CEP112: variants seen among roughly 807,000 people sequenced by gnomAD.
CEP112 encodes centrosomal protein 112.
CEP112 carries 127 observed loss-of-function variants against 153.0 expected under a neutral mutation model. The ratio of observed to expected loss-of-function variants is 0.83; its 90% CI spans 0.72 to 0.96. The LOEUF (loss-of-function observed/expected upper bound fraction) is 0.96. CEP112 is among the 40% of genes least tolerant of loss of function. The probability of loss-of-function intolerance (pLI) is 0.00; values close to 1 mark genes in which losing one functional copy is unlikely to be tolerated. For missense variants in CEP112, 1,089 were observed against 1,101.2 expected, an observed-to-expected ratio of 0.99 and a Z score of 0.16; for synonymous variants, 358 against 374.4, an observed-to-expected ratio of 0.96 and a Z score of 0.51.
chr17:65,902,047 C>A, intron 20 of CEP112, 105 bp downstream of exon 20: 3 of 408,466 alleles, frequency 7.3e-6, no homozygotes, highest in Admixed American at 5.7e-5. Flanking sequence ...GTCAGTTTTG[C>A]AAATGATCAA....
intron 24 of CEP112, among the ~76,000 whole-genome samples, chr17:65,681,325 C>T (rs572893268): frequency 2.6e-5 from 4 of 152,200 alleles, no homozygotes; most frequent in Non-Finnish European, 5.9e-5. Context: ...CTTCTCTGGT[C>T]CCTTGGCTGT....
At chr17:66,188,161 AG>A (rs2073007496) in intron 1 of CEP112, among the ~76,000 whole-genome samples, 1 of 152,080 alleles carries the variant, frequency 6.6e-6, no homozygotes, top group Non-Finnish European at 1.5e-5. Context: ...CTAATGACAA[AG>A]CTAAGCCTAT....
chr17:65,689,431 T>C (rs1329621854), intron 23 of CEP112, among the ~76,000 whole-genome samples: 1 of 135,068 alleles, frequency 7.4e-6, no homozygotes, highest in Non-Finnish European at 1.7e-5. Context: ...AGTTATAAAA[T>C]AGACAAATTG....
intron 20 of CEP112, among the ~76,000 whole-genome samples, chr17:65,878,847 A>T (rs2058947191): frequency 6.6e-6 from 1 of 151,902 alleles, no homozygotes; most frequent in Non-Finnish European, 1.5e-5. Context: ...AAAAAAAAAA[A>T]TGGAATGAAC....
intron 24 of CEP112, chr17:65,655,144 A>G: frequency 1.3e-6 from 1 of 743,472 alleles, no homozygotes; most frequent in Non-Finnish European, 2.5e-6. Context: ...TAATAATGTC[A>G]TTGAATTAAA....
chr17:66,147,119 A>G (rs936333883), intron 4 of CEP112, among the ~76,000 whole-genome samples: 6 of 152,068 alleles, frequency 3.9e-5, no homozygotes, highest in African/African-American at 1.4e-4. Flanking sequence ...ACCATTTTAC[A>G]TTCTTACCAA....
At chr17:65,917,026 G>A (rs1187657001) in intron 19 of CEP112, among the ~76,000 whole-genome samples, 2 of 152,190 alleles carry the variant, frequency 1.3e-5, no homozygotes, top group Non-Finnish European at 2.9e-5. Context: ...GGACACAGGG[G>A]CCCAGGCTCT....
rs187185424 is a variant in CEP112, at chr17:65,868,315, C to T, written c.2164-16281G>A. ...AGGAGTTCAAGACCAGCCTGGCCAA[C>T]AAGGTGAAACCCCATCTCTACCAAA... On this transcript the variant is annotated intron_variant, in intron 20 of 26. Transcript: ENST00000535342. 1.7e-3 allele frequency among the ~76,000 whole-genome samples: 266 copies of T among 152,118 alleles called. 1 individual carries two copies. The highest frequency in any genetic ancestry group is 6.1e-3 in the African/African-American group (252 of 41,544).
At chr17:66,075,792 T>A (rs1236296186) in intron 8 of CEP112, among the ~76,000 whole-genome samples, 2 of 152,120 alleles carry the variant, frequency 1.3e-5, no homozygotes, top group Non-Finnish European at 1.5e-5. Context: ...ACTGCAAGAA[T>A]GAACCAGGAA....
intron 17 of CEP112, among the ~76,000 whole-genome samples, chr17:65,990,406 G>T (rs1341750986): frequency 6.6e-6 from 1 of 152,242 alleles, no homozygotes; most frequent in Non-Finnish European, 1.5e-5. Flanking sequence ...AGGAAAAACA[G>T]TTTTGAATTG....
chr17:65,808,660 C>G (rs1017140277), intron 21 of CEP112, among the ~76,000 whole-genome samples: 8 of 152,088 alleles, frequency 5.3e-5, no homozygotes, highest in Non-Finnish European at 1.2e-4. Context: ...TTCTCTCTCT[C>G]TCTCATGTTC....
At chr17:65,916,539 CT>C (rs996339597) in intron 19 of CEP112, among the ~76,000 whole-genome samples, 222 of 145,664 alleles carry the variant, frequency 1.5e-3, no homozygotes, top group Middle Eastern at 7.0e-3. Context: ...AAAACAGCTT[CT>C]TTTTTTTTTT....
intron 18 of CEP112, among the ~76,000 whole-genome samples, chr17:65,953,544 C>T (rs981604862): frequency 4.6e-5 from 7 of 152,158 alleles, no homozygotes; most frequent in Admixed American, 2.6e-4. Context: ...ATGGGAGGCT[C>T]GTGATCTGGG....
At chr17:65,915,666 T>C (rs2060450872) in intron 19 of CEP112, among the ~76,000 whole-genome samples, 1 of 151,284 alleles carries the variant, frequency 6.6e-6, no homozygotes, top group Non-Finnish European at 1.5e-5. Context: ...TGGGTGCCTG[T>C]AGTCTCAGTT....
At chr17:65,704,403 T>C (rs897623445) in intron 23 of CEP112, among the ~76,000 whole-genome samples, 2 of 147,510 alleles carry the variant, frequency 1.4e-5, no homozygotes, top group Admixed American at 1.4e-4. Flanking sequence ...ACATTTTCTC[T>C]TGTAAAACGT....
At chr17:65,724,537 T>C (rs973562533) in intron 23 of CEP112, among the ~76,000 whole-genome samples, 2 of 152,236 alleles carry the variant, frequency 1.3e-5, no homozygotes, top group Admixed American at 6.5e-5. Flanking sequence ...TATTCATAAC[T>C]TCACTTTTCT....
intron 24 of CEP112, among the ~76,000 whole-genome samples, chr17:65,650,384 G>T (rs112272118): frequency 6.6e-6 from 1 of 152,070 alleles, no homozygotes; most frequent in Admixed American, 6.5e-5. Flanking sequence ...TAGCAAAAAC[G>T]GGCCCCACAC....
At chr17:65,903,968 A>G (rs2143621560) in intron 19 of CEP112, among the ~76,000 whole-genome samples, 1 of 152,334 alleles carries the variant, frequency 6.6e-6, no homozygotes, top group Admixed American at 6.5e-5. Flanking sequence ...GTATCTCAAA[A>G]TATTAAGAGC....
intron 6 of CEP112, among the ~76,000 whole-genome samples, chr17:66,103,891 A>G (rs1198084009): frequency 6.6e-6 from 1 of 152,202 alleles, no homozygotes; most frequent in African/African-American, 2.4e-5. Flanking sequence ...GCAGAAAGAA[A>G]CAGCAGGCAG....
Sources: gnomAD v4.1 joint callset for allele counts (sites outside exome capture counted in the v4.1 genomes callset) on GRCh38, gnomAD v4.1.1 for gene constraint, MANE v1.5 for transcripts, NCBI Gene and HGNC (gene_info 2026-07-23, HGNC 2026-07-21) for gene names.